Variants in KCNT2 observed in about 807,000 individuals in gnomAD.
KCNT2 encodes potassium sodium-activated channel subfamily T member 2.
Under a neutral mutation model 153.8 loss-of-function variants are expected in KCNT2, and 67 were observed. The observed-to-expected ratio is 0.44, with a 90% CI of 0.36 to 0.53. KCNT2 has a LOEUF of 0.53. Among genes scored for constraint, KCNT2 ranks in the 20% least tolerant of loss-of-function variants. The probability of loss-of-function intolerance (pLI) is 0.00; values close to 1 mark genes in which losing one functional copy is unlikely to be tolerated. For missense variants in KCNT2, 975 were observed against 1,354.8 expected (o/e 0.72, Z 4.40); for synonymous variants, 500 against 458.8 (o/e 1.09, Z -1.15).
At chr1:196,391,349 G>A (rs1670473140) in intron 13 of KCNT2, among the ~76,000 whole-genome samples, 2 of 151,456 alleles carry the variant, frequency 1.3e-5, no homozygotes, top group East Asian at 1.9e-4. Context: ...GTATTTAAGA[G>A]TGAAAGAGAG....
At chr1:196,252,042 A>G (rs529879619) in intron 26 of KCNT2, among the ~76,000 whole-genome samples, 1 of 151,756 alleles carries the variant, frequency 6.6e-6, no homozygotes, top group African/African-American at 2.4e-5. Flanking sequence ...CAGTCTCTTT[A>G]TATTTAAAAT....
intron 1 of KCNT2, among the ~76,000 whole-genome samples, chr1:196,536,781 G>A (rs1172535118): frequency 6.6e-6 from 1 of 152,114 alleles, no homozygotes; most frequent in African/African-American, 2.4e-5. Flanking sequence ...CTAACCTGAA[G>A]GGCAGCATAT....
intron 26 of KCNT2, among the ~76,000 whole-genome samples, chr1:196,250,258 G>A (rs1655838589): frequency 6.6e-6 from 1 of 152,002 alleles, no homozygotes; most frequent in South Asian, 2.1e-4. Flanking sequence ...CATGAAACAT[G>A]GTACTGGCAT....
intron 8 of KCNT2, among the ~76,000 whole-genome samples, chr1:196,432,961 C>T (rs1674291083): frequency 6.6e-6 from 1 of 152,042 alleles, no homozygotes; most frequent in Non-Finnish European, 1.5e-5. Context: ...ACACTTAAAT[C>T]CCACAAGGCA....
chr1:196,482,382 A>G lies in KCNT2; in HGVS notation c.276-3T>C, dbSNP rs1277562270. On this transcript the variant is annotated splice_polypyrimidine_tract_variant and splice_region_variant and intron_variant, in intron 3 of 27. Transcript: ENST00000294725. ...TGTTCACCCAAAAGATATGAGACCTATAAAAAGAATAATAATAAGTTAGTT... is the reference window on the plus strand; with the variant it reads ...TGTTCACCCAAAAGATATGAGACCTGTAAAAAGAATAATAATAAGTTAGTT... The G allele has an allele frequency of 1.4e-6, 2 of 1,478,750 alleles. No homozygotes were observed. The highest frequency in any genetic ancestry group is 2.4e-5 in the East Asian group (1 of 42,300). 91.6% of individuals were successfully genotyped at this position (1,478,750 alleles called of 1,614,324 possible).
intron 1 of KCNT2, among the ~76,000 whole-genome samples, chr1:196,510,899 A>G (rs1250386327): frequency 6.6e-6 from 1 of 152,154 alleles, no homozygotes; most frequent in Non-Finnish European, 1.5e-5. Flanking sequence ...TATTAATTTC[A>G]TAGTAACTCT....
chr1:196,262,742 T>C (rs1657145734), intron 25 of KCNT2, among the ~76,000 whole-genome samples: 1 of 152,114 alleles, frequency 6.6e-6, no homozygotes, highest in Non-Finnish European at 1.5e-5. Flanking sequence ...ACACTGTATA[T>C]TGATGCATTT....
chr1:196,536,442 C>T lies in KCNT2; in HGVS notation c.96-44101G>A, dbSNP rs77283812. Reference sequence around the variant, plus strand: ...AGCCCATTGAGCACACTGTCCACTTCCAGTTTCAAACAATATGGTGTCAGT... The same window carrying T: ...AGCCCATTGAGCACACTGTCCACTTTCAGTTTCAAACAATATGGTGTCAGT... On this transcript the variant is annotated intron_variant, in intron 1 of 27. Transcript: ENST00000294725. Among the ~76,000 whole-genome samples the T allele has an allele frequency of 4.4e-3, 668 of 152,322 alleles. 8 individuals are homozygous for T. The highest frequency in any genetic ancestry group is 0.029 in the East Asian group (151 of 5,172).
intron 25 of KCNT2, among the ~76,000 whole-genome samples, chr1:196,270,058 G>T (rs1657922177): frequency 6.6e-6 from 1 of 151,710 alleles, no homozygotes; most frequent in Non-Finnish European, 1.5e-5. Context: ...TTCTTTCACT[G>T]TGCAGTAGTG....
intron 14 of KCNT2, among the ~76,000 whole-genome samples, chr1:196,349,830 T>C (rs1382131041): frequency 6.6e-6 from 1 of 151,980 alleles, no homozygotes; most frequent in African/African-American, 2.4e-5. Flanking sequence ...TAGCATTAGG[T>C]ATATCTCCTA....
intron 8 of KCNT2, among the ~76,000 whole-genome samples, chr1:196,450,919 C>CT (rs1676105353): frequency 6.6e-6 from 1 of 151,850 alleles, no homozygotes; most frequent in Non-Finnish European, 1.5e-5. Context: ...TATTTGAATA[C>CT]TTCATTTATT....
intron 1 of KCNT2, among the ~76,000 whole-genome samples, chr1:196,553,744 T>C (rs76284156): frequency 1.2e-3 from 184 of 149,414 alleles, no homozygotes; most frequent in Non-Finnish European, 9.5e-4. Context: ...CACAAAACAA[T>C]TCTTAAAACA....
intron 13 of KCNT2, among the ~76,000 whole-genome samples, chr1:196,395,566 A>G (rs1670865584): frequency 6.6e-6 from 1 of 151,548 alleles, no homozygotes; most frequent in African/African-American, 2.4e-5. Context: ...TTATAATGGC[A>G]TGAGGGGGTT....
intron 14 of KCNT2, among the ~76,000 whole-genome samples, chr1:196,359,809 A>G (rs1286459496): frequency 6.6e-6 from 1 of 151,998 alleles, no homozygotes; most frequent in African/African-American, 2.4e-5. Flanking sequence ...AAGATGTAGA[A>G]GGCGGAAACC....
At chr1:196,483,401 C>T (rs1679168444) in intron 3 of KCNT2, among the ~76,000 whole-genome samples, 1 of 152,166 alleles carries the variant, frequency 6.6e-6, no homozygotes, top group Non-Finnish European at 1.5e-5. Context: ...ACTGCACCTT[C>T]TTTTGCCTTC....
At chr1:196,228,577 T>C (rs1203063108) in intron 27 of KCNT2, among the ~76,000 whole-genome samples, 1 of 152,090 alleles carries the variant, frequency 6.6e-6, no homozygotes, top group Admixed American at 6.6e-5. Context: ...AGCACTATTA[T>C]TTTTCTTCTT....
intron 12 of KCNT2, among the ~76,000 whole-genome samples, chr1:196,413,018 T>C (rs1231282426): frequency 6.6e-6 from 1 of 151,668 alleles, no homozygotes. Context: ...AGATTAATAA[T>C]TTAATGGATA....
At chr1:196,544,137 A>G (rs1656746307) in intron 1 of KCNT2, among the ~76,000 whole-genome samples, 1 of 152,166 alleles carries the variant, frequency 6.6e-6, no homozygotes, top group Non-Finnish European at 1.5e-5. Context: ...GGTCACTATA[A>G]CAATAAGTTA....
intron 3 of KCNT2, among the ~76,000 whole-genome samples, chr1:196,487,512 A>C (rs538977451): frequency 6.6e-6 from 1 of 151,870 alleles, no homozygotes; most frequent in African/African-American, 2.4e-5. Context: ...CAATGACCAG[A>C]AACACCAGTA....
Sources: gnomAD v4.1 joint callset for allele counts (sites outside exome capture counted in the v4.1 genomes callset) on GRCh38, gnomAD v4.1.1 for gene constraint, MANE v1.5 for transcripts, NCBI Gene and HGNC (gene_info 2026-07-23, HGNC 2026-07-21) for gene names.